The following CCDC148 variants were observed in gnomAD, a reference collection of about 807,000 sequenced individuals.
The protein encoded by CCDC148 is coiled-coil domain containing 148, also known as coiled-coil domain-containing protein 148.
Under a neutral mutation model 85.7 loss-of-function variants are expected in CCDC148, and 89 were observed. The ratio of observed to expected loss-of-function variants is 1.04; its 90% CI spans 0.87 to 1.24. The LOEUF is 1.24. Ranked by LOEUF, CCDC148 falls within the 50% of genes most tolerant of loss-of-function variation. CCDC148 has a pLI of 0.00. For synonymous variants in CCDC148, 230 were observed against 213.9 expected (o/e 1.08, Z -0.66); for missense variants, 692 against 671.7 (o/e 1.03, Z -0.33).
intron 9 of CCDC148, among the ~76,000 whole-genome samples, chr2:158,293,944 T>C (rs1691014146): frequency 7.3e-6 from 1 of 137,738 alleles, no homozygotes; most frequent in African/African-American, 2.8e-5. Flanking sequence ...CTTCCTGCCT[T>C]CCTTCCCCTC....
At chr2:158,208,675 G>T (rs2105289589) in intron 11 of CCDC148, among the ~76,000 whole-genome samples, 1 of 152,258 alleles carries the variant, frequency 6.6e-6, no homozygotes, top group East Asian at 1.9e-4. Flanking sequence ...AATTCCGAAG[G>T]GAGTTGGGTT....
intron 5 of CCDC148, 34 bp from the exon 6 acceptor site, chr2:158,339,119 T>C: frequency 7.4e-7 from 1 of 1,353,486 alleles, no homozygotes; most frequent in South Asian, 1.2e-5. Flanking sequence ...GTAGGCAAAT[T>C]ATTGCAATTC....
intron 1 of CCDC148, among the ~76,000 whole-genome samples, chr2:158,420,293 T>C (rs1372450579): frequency 6.6e-6 from 1 of 152,014 alleles, no homozygotes; most frequent in African/African-American, 2.4e-5. Context: ...AGACACATAA[T>C]TATCAGATTC....
At chr2:158,317,115 A>T (rs1692316094) in intron 7 of CCDC148, among the ~76,000 whole-genome samples, 5 of 152,182 alleles carry the variant, frequency 3.3e-5, no homozygotes, top group African/African-American at 1.2e-4. Flanking sequence ...CTCATCTCTT[A>T]TCTACTTTCT....
In CCDC148 at chr2:158,348,896, T is replaced by C. The variant is rs530961796; in HGVS notation, c.148-3578A>G. Among the ~76,000 whole-genome samples, 10 of 152,192 alleles carry C rather than the reference T, an allele frequency of 6.6e-5. No individual in the cohort carries two copies. In the East Asian group the frequency reaches 1.2e-3, roughly 18 times the overall value. On this transcript the variant is annotated intron_variant, in intron 2 of 13. Transcript: ENST00000283233. The stretch of plus-strand genomic sequence containing the variant: ...CAAAGAAATTCAAATTTAAAAATAA[T>C]TGCAAAGATCTCTTTTACAGTTAAA...
chr2:158,290,489 C>T (rs373566378), intron 9 of CCDC148, among the ~76,000 whole-genome samples: 8 of 152,284 alleles, frequency 5.3e-5, no homozygotes, highest in South Asian at 4.1e-4. Flanking sequence ...ATGGCATTTA[C>T]GCTTGCTGTT....
chr2:158,372,280 CACTG>C (rs1288333410), intron 1 of CCDC148, among the ~76,000 whole-genome samples: 1 of 152,020 alleles, frequency 6.6e-6, no homozygotes, highest in Non-Finnish European at 1.5e-5. Context: ...ACACAGCTTC[CACTG>C]ACTGTCTCGA....
At chr2:158,267,312 T>C (rs187980633) in intron 9 of CCDC148, among the ~76,000 whole-genome samples, 7 of 152,150 alleles carry the variant, frequency 4.6e-5, no homozygotes, top group Admixed American at 1.3e-4. Flanking sequence ...GAAAATGTTA[T>C]TTGCTTGCCT....
chr2:158,202,507 C>G (rs138978650), intron 11 of CCDC148, among the ~76,000 whole-genome samples: 1 of 152,144 alleles, frequency 6.6e-6, no homozygotes, highest in Non-Finnish European at 1.5e-5. Flanking sequence ...TGATGTTCCC[C>G]GCTTCTTCCA....
chr2:158,280,445 A>G (rs2105174357), intron 9 of CCDC148, among the ~76,000 whole-genome samples: 1 of 152,292 alleles, frequency 6.6e-6, no homozygotes, highest in Non-Finnish European at 1.5e-5. Flanking sequence ...TACCAAGCAA[A>G]TGGAAAACAA....
At chr2:158,237,045 C>T (rs922216905) in intron 10 of CCDC148, among the ~76,000 whole-genome samples, 20 of 152,206 alleles carry the variant, frequency 1.3e-4, no homozygotes, top group African/African-American at 4.8e-4. Context: ...TGTGCAGGAC[C>T]CTGAATGCTG....
At chr2:158,444,919 G>A (rs1688098531) in intron 1 of CCDC148, among the ~76,000 whole-genome samples, 1 of 151,898 alleles carries the variant, frequency 6.6e-6, no homozygotes, top group African/African-American at 2.4e-5. Context: ...GAAAGAAGGG[G>A]GGAAACAAAA....
chr2:158,278,372 T>C (rs530819878), intron 9 of CCDC148, among the ~76,000 whole-genome samples: 2 of 152,156 alleles, frequency 1.3e-5, no homozygotes, highest in East Asian at 3.9e-4. Flanking sequence ...CCTTTCCTAG[T>C]CAAAGAAAGG....
chr2:158,198,765 T>A (rs1685803994), intron 11 of CCDC148, among the ~76,000 whole-genome samples: 1 of 152,208 alleles, frequency 6.6e-6, no homozygotes, highest in Non-Finnish European at 1.5e-5. Flanking sequence ...TTTAAATTTA[T>A]CTTAAGTTAG....
At chr2:158,283,590 C>G (rs1279084107) in intron 9 of CCDC148, among the ~76,000 whole-genome samples, 1 of 152,176 alleles carries the variant, frequency 6.6e-6, no homozygotes, top group East Asian at 1.9e-4. Context: ...TATCTCACAA[C>G]AGTTAGAATG....
At chr2:158,192,320 G>A (rs1233547492) in intron 11 of CCDC148, among the ~76,000 whole-genome samples, 1 of 151,904 alleles carries the variant, frequency 6.6e-6, no homozygotes, top group Non-Finnish European at 1.5e-5. Flanking sequence ...AGGGTCGTGG[G>A]CCAGAGAATA....
intron 9 of CCDC148, among the ~76,000 whole-genome samples, chr2:158,269,578 G>A (rs1689611915): frequency 6.6e-6 from 1 of 152,158 alleles, no homozygotes; most frequent in African/African-American, 2.4e-5. Context: ...CACTGGTGGA[G>A]AGAAGCTGAT....
chr2:158,441,955 T>C (rs1280513879), intron 1 of CCDC148, among the ~76,000 whole-genome samples: 2 of 152,172 alleles, frequency 1.3e-5, no homozygotes, highest in African/African-American at 4.8e-5. Flanking sequence ...TAATGGTACT[T>C]CTTAATCAAA....
At chr2:158,431,905 C>A (rs1225532536) in intron 1 of CCDC148, among the ~76,000 whole-genome samples, 1 of 151,888 alleles carries the variant, frequency 6.6e-6, no homozygotes, top group Non-Finnish European at 1.5e-5. Context: ...CCACTGCACT[C>A]CAGCCTGGGC....
Sources: gnomAD v4.1 joint callset for allele counts (sites outside exome capture counted in the v4.1 genomes callset) on GRCh38, gnomAD v4.1.1 for gene constraint, MANE v1.5 for transcripts, NCBI Gene and HGNC (gene_info 2026-07-23, HGNC 2026-07-21) for gene names.